KAT7: variants seen among roughly 807,000 people sequenced by gnomAD.
The protein encoded by KAT7 is histone acetyltransferase KAT7.
In KAT7, 10 loss-of-function variants were observed where a neutral mutation model predicts 82.1. The ratio of observed to expected loss-of-function variants is 0.12; its 90% CI spans 0.08 to 0.21. The LOEUF (loss-of-function observed/expected upper bound fraction) is 0.21. KAT7 is among the 10% of genes least tolerant of loss of function. The pLI, the probability that KAT7 is intolerant of heterozygous loss-of-function variation, is 1.00. For synonymous variants in KAT7, 250 were observed against 262.5 expected (o/e 0.95, Z 0.46); for missense variants, 378 against 760.9 (o/e 0.50, Z 5.92).
chr17:49,821,629 A>C lies in KAT7; in HGVS notation c.1246-21A>C, dbSNP rs542531766. 4.3e-5 allele frequency: 70 copies of C among 1,612,350 alleles called. No homozygotes were observed. In the Middle Eastern group the frequency reaches 6.4e-4, roughly 15 times the overall value. ...TTAGGAATCAGTGGCCCACACATGA[A>C]CTCTGTTTCTCTGCTTCCAGATCTA... On this transcript the variant is annotated intron_variant, in intron 10 of 14. Transcript: ENST00000259021.
intron 10 of KAT7, 107 bp downstream of exon 10, chr17:49,821,533 C>G: frequency 6.6e-7 from 1 of 1,507,802 alleles, no homozygotes; most frequent in South Asian, 1.1e-5. Flanking sequence ...TAGAACTCTT[C>G]TCTTGCCAAA....
chr17:49,816,025 A>G, intron 8 of KAT7, 112 bp downstream of exon 8: 1 of 646,952 alleles, frequency 1.5e-6, no homozygotes, highest in Non-Finnish European at 2.8e-6. Context: ...TGCTTCTGGA[A>G]TCTCTTTCCC....
intron 2 of KAT7, among the ~76,000 whole-genome samples, chr17:49,792,957 G>T (rs555741245): frequency 6.6e-6 from 1 of 152,102 alleles, no homozygotes; most frequent in South Asian, 2.1e-4. Flanking sequence ...GACTACAGGT[G>T]CACGCCACCA....
At chr17:49,812,259 C>T (rs2074175954) in intron 7 of KAT7, among the ~76,000 whole-genome samples, 1 of 117,236 alleles carries the variant, frequency 8.5e-6, no homozygotes, top group South Asian at 2.8e-4. Context: ...TTTTTTGAGA[C>T]AGTCGGCCAG....
In KAT7 at chr17:49,788,718, G is replaced by C; in HGVS notation, c.-117G>C. On this transcript the variant is annotated 5_prime_UTR_variant, in exon 1 of 15. Transcript: ENST00000259021. ...AGACGCTGAGAGGCAGGAGGCACTA[G>C]GGATCGTCCGCAGGATTGGGACTGA... The C allele has an allele frequency of 8.7e-6, 10 of 1,152,664 alleles. No individual in the cohort carries two copies. Among genetic ancestry groups the C allele is most frequent in the Non-Finnish European group, 1.1e-5 (9 of 828,442 alleles). 71.4% of individuals were successfully genotyped at this position (1,152,664 alleles called of 1,614,324 possible).
In KAT7 at chr17:49,805,295, C is replaced by T. The variant is rs2074077549; in HGVS notation, c.581-68C>T. ...TGATGTAGCAAAAAAACAGGTTTGT[C>T]TTAGAGAAACATACTACTTTCTAAG... On this transcript the variant is annotated intron_variant, in intron 4 of 14. Coordinates refer to ENST00000259021, the MANE Select transcript of KAT7 (RefSeq NM_007067.5). 3 of 1,108,870 alleles carry T rather than the reference C, an allele frequency of 2.7e-6. No homozygotes were observed. In the South Asian group the frequency reaches 3.8e-5, roughly 14 times the overall value. 68.7% of individuals were successfully genotyped at this position (1,108,870 alleles called of 1,614,324 possible). A position where few individuals can be genotyped will look rare whatever the true frequency, so the allele number is the denominator to read the frequency against.
At position 49,823,272 on chromosome 17, in the gene KAT7, A is replaced by G. The variant is rs2074328031; in HGVS notation, c.1457A>G (p.Tyr486Cys). ...LTMPQYMRQG[Y>C]GKMLIDFSYL... ...ATGCCTCAGTACATGAGACAGGGCT[A>G]TGGCAAGATGCTTATTGATTTCAGT... The change falls in exon 12 of 15, where the codon TAT becomes TGT. Residue 486 changes from tyrosine to cysteine, a missense_variant. Tyr to Cys is a radical substitution (Grantham distance 194). Around this residue, in one of 6 missense-constraint regions of KAT7, gnomAD observed 20 missense variants for 142.4 expected, o/e 0.14. Coordinates refer to ENST00000259021, the MANE Select transcript of KAT7 (RefSeq NM_007067.5). 6.3e-7 allele frequency: 1 copy of G among 1,587,610 alleles called. No homozygotes were observed. The highest frequency in any genetic ancestry group is 8.6e-7 in the Non-Finnish European group (1 of 1,156,350).
intron 2 of KAT7, chr17:49,795,597 A>C (rs1036219147): frequency 1.7e-4 from 41 of 241,276 alleles, no homozygotes; most frequent in Non-Finnish European, 3.4e-4. Context: ...ATTCAAACCT[A>C]CCGAGTGCTA....
intron 1 of KAT7, 48 bp downstream of exon 1, chr17:49,788,897 T>G: frequency 6.6e-7 from 1 of 1,518,822 alleles, no homozygotes; most frequent in Admixed American, 2.0e-5. Context: ...GACAGTCGAT[T>G]GAGCACCGTG....
intron 5 of KAT7, among the ~76,000 whole-genome samples, chr17:49,808,308 C>T (rs551883589): frequency 5.3e-4 from 81 of 151,470 alleles, no homozygotes; most frequent in Admixed American, 1.4e-3. Flanking sequence ...TTAGTAAAGA[C>T]GGGGTTTCAC....
rs778073454 is a variant in KAT7, at chr17:49,822,194, G to A, written c.1386+404G>A. Reference sequence around the variant, plus strand: ...CTCCTTCTAGCACAGTGCCTTCAGTGATAACACTACTGCGCCTTTTAAAGA... The same window carrying A: ...CTCCTTCTAGCACAGTGCCTTCAGTAATAACACTACTGCGCCTTTTAAAGA... On this transcript the variant is annotated intron_variant, in intron 11 of 14. Coordinates refer to ENST00000259021, the MANE Select transcript of KAT7 (RefSeq NM_007067.5). 2.8e-4 allele frequency among the ~76,000 whole-genome samples: 43 copies of A among 151,694 alleles called. 1 individual carries two copies. The highest frequency in any genetic ancestry group is 5.6e-4 in the Non-Finnish European group (38 of 67,972).
Position 49,811,516 on chromosome 17 carries a change from C to T in KAT7, c.794C>T (p.Ala265Val). 1 of 1,554,980 alleles carries T rather than the reference C, an allele frequency of 6.4e-7. No homozygotes were observed. Among genetic ancestry groups the T allele is most frequent in the East Asian group, 2.3e-5 (1 of 42,720 alleles). Residue 265 changes from alanine (A) to valine (V), a missense_variant, in exon 7 of 15, where the codon GCT becomes GTT. Ala to Val is a moderately conservative substitution (Grantham distance 64). Around this residue, in one of 6 missense-constraint regions of KAT7, gnomAD observed 102 missense variants for 129.8 expected, o/e 0.79. Transcript: ENST00000259021. ...ERQLRYKEKV[A>V]ELRKKRNSGL... ...CAGCTTCGATATAAGGAAAAAGTGG[C>T]TGAACTCAGGAAGAAAAGAAATTCT...
chr17:49,814,385 C>T (rs1268276271), intron 7 of KAT7, among the ~76,000 whole-genome samples: 3 of 152,170 alleles, frequency 2.0e-5, no homozygotes, highest in Non-Finnish European at 4.4e-5. Flanking sequence ...CAGTCTTGTT[C>T]ACTGTTTCCA....
chr17:49,811,853 G>C (rs2074169878), intron 7 of KAT7, among the ~76,000 whole-genome samples: 1 of 152,116 alleles, frequency 6.6e-6, no homozygotes, highest in Non-Finnish European at 1.5e-5. Flanking sequence ...ATCTTAAAGG[G>C]TTAAATTTAC....
At chr17:49,811,397 G>T in intron 6 of KAT7, 79 bp from the exon 7 acceptor site, 1 of 689,540 alleles carries the variant, frequency 1.5e-6, no homozygotes, top group Non-Finnish European at 2.4e-6. Context: ...GTGAGCTACT[G>T]TGCCGGGCCT....
intron 3 of KAT7, among the ~76,000 whole-genome samples, chr17:49,798,082 T>TA (rs1237659155): frequency 1.3e-5 from 2 of 152,216 alleles, no homozygotes; most frequent in African/African-American, 4.8e-5. Context: ...TCAGGAGAAA[T>TA]ACAGATAGGT....
At chr17:49,795,383 C>A in intron 2 of KAT7, 1 of 231,778 alleles carries the variant, frequency 4.3e-6, no homozygotes. Context: ...ACGGAGCTGA[C>A]CAGACTTTTC....
intron 1 of KAT7, chr17:49,789,131 C>T (rs1256970668): frequency 3.1e-6 from 1 of 319,422 alleles, no homozygotes; most frequent in Non-Finnish European, 5.8e-6. Flanking sequence ...GCTGGTGACG[C>T]CGCCTGTTTG....
intron 11 of KAT7, among the ~76,000 whole-genome samples, chr17:49,822,312 C>T (rs1009233796): frequency 6.6e-6 from 1 of 151,984 alleles, no homozygotes; most frequent in Non-Finnish European, 1.5e-5. Flanking sequence ...ACTGCACCCT[C>T]TGCCTCCCAG....
Sources: gnomAD v4.1 joint callset for allele counts (sites outside exome capture counted in the v4.1 genomes callset) on GRCh38, gnomAD v4.1.1 for gene constraint, gnomAD v4.1.1 regional missense constraint, MANE v1.5 for transcripts, NCBI Gene and HGNC (gene_info 2026-07-23, HGNC 2026-07-21) for gene names.